Variants in LRRC4C observed in about 807,000 individuals in gnomAD.
LRRC4C encodes the protein leucine-rich repeat-containing protein 4C.
Under a neutral mutation model 33.6 loss-of-function variants are expected in LRRC4C, and 5 were observed. The observed-to-expected ratio is 0.15, with a 90% CI of 0.08 to 0.31. The LOEUF (loss-of-function observed/expected upper bound fraction) is 0.31, where lower values mean the gene tolerates loss of function less well. Ranked by LOEUF, LRRC4C falls within the 10% of genes least tolerant of loss-of-function variation. LRRC4C has a pLI of 1.00. For missense variants in LRRC4C, 560 were observed against 796.7 expected (o/e 0.70, Z 3.58); for synonymous variants, 329 against 302.0 (o/e 1.09, Z -0.93).
intron 1 of LRRC4C, among the ~76,000 whole-genome samples, chr11:41,276,125 G>C (rs1949475737): frequency 6.6e-6 from 1 of 152,096 alleles, no homozygotes; most frequent in Non-Finnish European, 1.5e-5. Flanking sequence ...TGCTACACGT[G>C]GTACTTAAAT....
At chr11:41,030,118 T>C (rs1464910235) in intron 1 of LRRC4C, among the ~76,000 whole-genome samples, 1 of 151,848 alleles carries the variant, frequency 6.6e-6, no homozygotes, top group Non-Finnish European at 1.5e-5. Context: ...CCATCTATCA[T>C]AAAGGCTGTA....
chr11:40,595,472 A>G (rs1445898123), intron 3 of LRRC4C, among the ~76,000 whole-genome samples: 2 of 152,074 alleles, frequency 1.3e-5, no homozygotes, highest in Non-Finnish European at 2.9e-5. Context: ...ACCTAAACCA[A>G]CATCCTTGGG....
chr11:41,124,479 G>A (rs968282027), intron 1 of LRRC4C, among the ~76,000 whole-genome samples: 2 of 152,098 alleles, frequency 1.3e-5, no homozygotes, highest in African/African-American at 4.8e-5. Context: ...ACAGCACTTG[G>A]CAATTCACTA....
At chr11:40,857,602 G>A (rs937029661) in intron 2 of LRRC4C, among the ~76,000 whole-genome samples, 3 of 152,118 alleles carry the variant, frequency 2.0e-5, no homozygotes, top group African/African-American at 7.2e-5. Context: ...CCTGAGATAA[G>A]CTCATGAGAA....
intron 1 of LRRC4C, among the ~76,000 whole-genome samples, chr11:41,143,496 G>A (rs16935404): frequency 0.048 from 7,233 of 152,138 alleles, 265 homozygotes; most frequent in African/African-American, 0.1. Flanking sequence ...CAAAATTAAC[G>A]TAGGTTGAGA....
chr11:40,420,762 T>C (rs534687256), intron 3 of LRRC4C, among the ~76,000 whole-genome samples: 1 of 152,336 alleles, frequency 6.6e-6, no homozygotes, highest in East Asian at 1.9e-4. Flanking sequence ...AGCCAGAATT[T>C]TGAGCCAGGC....
intron 4 of LRRC4C, among the ~76,000 whole-genome samples, chr11:40,308,042 T>TA (rs1945123570): frequency 6.6e-6 from 1 of 152,170 alleles, no homozygotes; most frequent in Non-Finnish European, 1.5e-5. Flanking sequence ...ACAGAATTTA[T>TA]CAAATAAAGG....
intron 1 of LRRC4C, among the ~76,000 whole-genome samples, chr11:41,269,430 A>C (rs573130374): frequency 6.6e-6 from 1 of 152,050 alleles, no homozygotes; most frequent in Non-Finnish European, 1.5e-5. Context: ...GAGATTTCAC[A>C]AAAAGGACAG....
intron 1 of LRRC4C, among the ~76,000 whole-genome samples, chr11:41,342,014 G>A (rs1951656256): frequency 6.6e-6 from 1 of 151,398 alleles, no homozygotes; most frequent in African/African-American, 2.4e-5. Flanking sequence ...AACTTTTCAT[G>A]AACCTCACCC....
intron 1 of LRRC4C, among the ~76,000 whole-genome samples, chr11:41,386,129 G>A (rs1235215867): frequency 6.6e-6 from 1 of 151,502 alleles, no homozygotes; most frequent in Non-Finnish European, 1.5e-5. Context: ...ATTTAATACT[G>A]TTTATTCCAT....
Position 40,877,972 on chromosome 11 carries a change from G to C in LRRC4C, c.-407+55663C>G, listed in dbSNP as rs117787257. On this transcript the variant is annotated intron_variant, in intron 2 of 6. Coordinates refer to ENST00000528697, the MANE Select transcript of LRRC4C (RefSeq NM_001258419.2). ...CTCTTGGTATTTTCTTTGAGATGTA[G>C]CTTTTTGTTGGTAGTCCTAGAGTCT... Among the ~76,000 whole-genome samples the C allele has an allele frequency of 2.0e-4, 31 of 152,240 alleles. 1 individual carries two copies. The East Asian group carries it at 5.8e-3, about 28-fold the overall frequency.
intron 3 of LRRC4C, among the ~76,000 whole-genome samples, chr11:40,514,404 C>T (rs1392920561): frequency 1.1e-4 from 17 of 152,074 alleles, no homozygotes; most frequent in Admixed American, 7.9e-4. Context: ...TGGCCTTGAG[C>T]AAGTTATTTG....
intron 5 of LRRC4C, among the ~76,000 whole-genome samples, chr11:40,220,667 T>C (rs1864337551): frequency 1.3e-5 from 2 of 152,138 alleles, no homozygotes; most frequent in African/African-American, 4.8e-5. Context: ...GCTAATAAAT[T>C]CATTTTTTTA....
chr11:40,540,379 G>A (rs1372767959), intron 3 of LRRC4C, among the ~76,000 whole-genome samples: 4 of 152,048 alleles, frequency 2.6e-5, no homozygotes, highest in Non-Finnish European at 4.4e-5. Flanking sequence ...TTTCCCCTAC[G>A]TAACCTGCCA....
intron 3 of LRRC4C, among the ~76,000 whole-genome samples, chr11:40,457,801 G>A (rs1952207146): frequency 6.6e-6 from 1 of 152,002 alleles, no homozygotes; most frequent in South Asian, 2.1e-4. Flanking sequence ...CTTCAATTAA[G>A]TTGACTATTT....
At chr11:41,153,772 C>T (rs1590771512) in intron 1 of LRRC4C, among the ~76,000 whole-genome samples, 2 of 152,110 alleles carry the variant, frequency 1.3e-5, no homozygotes, top group Non-Finnish European at 2.9e-5. Flanking sequence ...ATACTAGGTT[C>T]TAATCCTTGG....
chr11:40,920,348 G>T (rs1334477237), intron 2 of LRRC4C, among the ~76,000 whole-genome samples: 2 of 152,046 alleles, frequency 1.3e-5, no homozygotes, highest in Admixed American at 1.3e-4. Context: ...AGCAGATGTG[G>T]CCACACATTC....
chr11:40,447,755 G>C (rs1951703515), intron 3 of LRRC4C, among the ~76,000 whole-genome samples: 1 of 152,108 alleles, frequency 6.6e-6, no homozygotes, highest in Non-Finnish European at 1.5e-5. Flanking sequence ...CATCTCAGTA[G>C]CTTCACTGTA....
chr11:40,430,495 G>A (rs527901830), intron 3 of LRRC4C, among the ~76,000 whole-genome samples: 4 of 152,182 alleles, frequency 2.6e-5, no homozygotes, highest in South Asian at 2.1e-4. Context: ...TAAAGGAACG[G>A]CAAGATTTAC....
Sources: gnomAD v4.1 joint callset for allele counts (sites outside exome capture counted in the v4.1 genomes callset) on GRCh38, gnomAD v4.1.1 for gene constraint, MANE v1.5 for transcripts, NCBI Gene and HGNC (gene_info 2026-07-23, HGNC 2026-07-21) for gene names.